PTPRT: variants seen among roughly 807,000 people sequenced by gnomAD.
PTPRT encodes receptor-type tyrosine-protein phosphatase T.
Under a neutral mutation model 176.8 loss-of-function variants are expected in PTPRT, and 56 were observed. That is an observed-to-expected ratio of 0.32 (90% CI 0.26 to 0.40). The LOEUF is 0.40. Among genes scored for constraint, PTPRT ranks in the 10% least tolerant of loss-of-function variants. The pLI, the probability that PTPRT is intolerant of heterozygous loss-of-function variation, is 1.00. For synonymous variants in PTPRT, 783 were observed against 739.0 expected (o/e 1.06, Z -0.96); for missense variants, 1,540 against 1,908.2 (o/e 0.81, Z 3.60).
At chr20:42,527,259 G>A (rs1039271513) in intron 7 of PTPRT, among the ~76,000 whole-genome samples, 5 of 152,030 alleles carry the variant, frequency 3.3e-5, no homozygotes, top group Non-Finnish European at 7.4e-5. Flanking sequence ...CACCGTGCCC[G>A]GCCGACTTCT....
intron 6 of PTPRT, among the ~76,000 whole-genome samples, chr20:42,728,675 G>A (rs1348619432): frequency 5.3e-5 from 8 of 152,242 alleles, no homozygotes; most frequent in Non-Finnish European, 1.0e-4. Flanking sequence ...AAAAGGTATC[G>A]CAGCCAAAGT....
chr20:42,582,339 A>T (rs2145728203), intron 7 of PTPRT, among the ~76,000 whole-genome samples: 1 of 152,292 alleles, frequency 6.6e-6, no homozygotes, highest in East Asian at 1.9e-4. Flanking sequence ...GGTTGGCCAG[A>T]CGAAGCTCTG....
intron 6 of PTPRT, among the ~76,000 whole-genome samples, chr20:42,730,912 T>C (rs1001820147): frequency 3.9e-5 from 6 of 152,208 alleles, no homozygotes; most frequent in Non-Finnish European, 8.8e-5. Flanking sequence ...CTTCTCCCTC[T>C]GCCCAGCCCA....
intron 1 of PTPRT, among the ~76,000 whole-genome samples, chr20:42,965,826 G>A (rs1982261221): frequency 6.6e-6 from 1 of 152,180 alleles, no homozygotes; most frequent in Non-Finnish European, 1.5e-5. Flanking sequence ...TGGGGACAGT[G>A]GAGAAGGGAT....
Position 42,195,790 on chromosome 20 carries a change from C to T in PTPRT, c.2491+3450G>A, listed in dbSNP as rs914846761. Among the ~76,000 whole-genome samples, 42 of 152,094 alleles carry T rather than the reference C, an allele frequency of 2.8e-4. 1 individual carries two copies. The highest frequency in any genetic ancestry group is 1.0e-4 in the Non-Finnish European group (7 of 68,022). On this transcript the variant is annotated intron_variant, in intron 16 of 30. Transcript: ENST00000373187. ...GTTTATACCTCTCTCTGTATATTTACGTGTCTGTGTAAATATAAAACACAT... is the reference window on the plus strand; with the variant it reads ...GTTTATACCTCTCTCTGTATATTTATGTGTCTGTGTAAATATAAAACACAT...
intron 17 of PTPRT, among the ~76,000 whole-genome samples, chr20:42,144,509 C>T (rs1183629518): frequency 1.3e-5 from 2 of 151,858 alleles, no homozygotes; most frequent in African/African-American, 2.4e-5. Flanking sequence ...ATAAGACAGA[C>T]AAGTCAACAA....
Position 42,503,058 on chromosome 20 carries a change from C to T in PTPRT, c.1154-30496G>A, listed in dbSNP as rs73273369. Among the ~76,000 whole-genome samples, 1,322 of 152,016 alleles carry T rather than the reference C, an allele frequency of 8.7e-3. 18 individuals carry two copies. Among genetic ancestry groups the T allele is most frequent in the African/African-American group, 0.031 (1,281 of 41,516 alleles). ...TTAAGGTATCCTCTTTTATTCCTAA[C>T]AATTTTTGTTTGTGCCAACTTTTTT... On this transcript the variant is annotated intron_variant, in intron 7 of 30. Transcript: ENST00000373187.
intron 4 of PTPRT, 80 bp downstream of exon 4, chr20:42,780,138 T>A: frequency 8.9e-7 from 1 of 1,128,088 alleles, no homozygotes; most frequent in Non-Finnish European, 1.3e-6. Flanking sequence ...GTAAGCTGAA[T>A]GAATGGAAGG....
intron 13 of PTPRT, among the ~76,000 whole-genome samples, chr20:42,266,374 C>T (rs73254765): frequency 0.021 from 3,224 of 152,282 alleles, 116 homozygotes; most frequent in African/African-American, 0.073. Flanking sequence ...AGACTGGACA[C>T]TGTCAGTCTC....
At chr20:42,397,649 T>C (rs970348698) in intron 9 of PTPRT, among the ~76,000 whole-genome samples, 4 of 152,218 alleles carry the variant, frequency 2.6e-5, no homozygotes, top group African/African-American at 9.6e-5. Flanking sequence ...TGCATAATAT[T>C]CCAGGGTGTA....
chr20:42,170,897 A>C (rs1990052001), intron 16 of PTPRT, among the ~76,000 whole-genome samples: 1 of 152,178 alleles, frequency 6.6e-6, no homozygotes, highest in South Asian at 2.1e-4. Context: ...TACAACTTAA[A>C]AATAGAGCCT....
At chr20:42,201,584 T>C (rs7348444) in intron 15 of PTPRT, among the ~76,000 whole-genome samples, 22,913 of 151,860 alleles carry the variant, frequency 0.15, 1,962 homozygotes, top group East Asian at 0.31. Context: ...TTATTACCTA[T>C]GGGACCAGAG....
intron 6 of PTPRT, among the ~76,000 whole-genome samples, chr20:42,684,527 T>C (rs188397346): frequency 4.6e-5 from 7 of 152,214 alleles, no homozygotes; most frequent in Admixed American, 2.6e-4. Flanking sequence ...GAATACTGAA[T>C]GCACCTCTAA....
At chr20:42,525,043 A>G (rs1217907591) in intron 7 of PTPRT, among the ~76,000 whole-genome samples, 2 of 152,164 alleles carry the variant, frequency 1.3e-5, no homozygotes, top group African/African-American at 4.8e-5. Flanking sequence ...CCTGGAGTGC[A>G]GTGGTAAGAT....
chr20:42,530,003 G>A (rs891437684), intron 7 of PTPRT, among the ~76,000 whole-genome samples: 3 of 151,972 alleles, frequency 2.0e-5, no homozygotes, highest in East Asian at 3.9e-4. Context: ...TTGTCTCGCC[G>A]TTTCTTTACC....
chr20:43,157,888 T>C (rs2014569829), intron 1 of PTPRT, among the ~76,000 whole-genome samples: 1 of 152,144 alleles, frequency 6.6e-6, no homozygotes, highest in Non-Finnish European at 1.5e-5. Flanking sequence ...TAAATAGTCA[T>C]GGGCCCTTCC....
chr20:42,763,334 G>A (rs181561663), intron 5 of PTPRT, among the ~76,000 whole-genome samples: 1 of 152,172 alleles, frequency 6.6e-6, no homozygotes, highest in Non-Finnish European at 1.5e-5. Flanking sequence ...AAACAGTACT[G>A]TCTTTAATAA....
At chr20:42,164,629 T>A (rs528270034) in intron 16 of PTPRT, among the ~76,000 whole-genome samples, 2 of 142,044 alleles carry the variant, frequency 1.4e-5, no homozygotes, top group Non-Finnish European at 3.1e-5. Context: ...AGACGCACTA[T>A]ACTTAATTTT....
intron 2 of PTPRT, among the ~76,000 whole-genome samples, chr20:42,878,838 C>T (rs2078972217): frequency 6.6e-6 from 1 of 152,198 alleles, no homozygotes; most frequent in Middle Eastern, 3.4e-3. Flanking sequence ...ACCATCCTGG[C>T]TAACATGGTG....
Sources: allele counts gnomAD v4.1 joint callset (sites outside exome capture counted in the v4.1 genomes callset), GRCh38; gene constraint gnomAD v4.1.1; transcripts MANE v1.5; gene names NCBI Gene and HGNC (gene_info 2026-07-23, HGNC 2026-07-21).